Variants in CHAF1A observed in about 807,000 individuals in gnomAD.
CHAF1A encodes chromatin assembly factor 1 subunit A, also known as CAF-1 subunit A.
A neutral mutation model predicts 93.2 loss-of-function variants in CHAF1A; 5 were observed. That is an observed-to-expected ratio of 0.05 (90% CI 0.03 to 0.11). The LOEUF (loss-of-function observed/expected upper bound fraction) is 0.11, where lower values mean the gene tolerates loss of function less well. Ranked by LOEUF, CHAF1A falls within the 10% of genes least tolerant of loss-of-function variation. The probability of loss-of-function intolerance (pLI) is 1.00; values close to 1 mark genes in which losing one functional copy is unlikely to be tolerated. For synonymous variants in CHAF1A, 504 were observed against 510.3 expected (o/e 0.99, Z 0.17); for missense variants, 1,102 against 1,259.9 (o/e 0.87, Z 1.90).
chr19:4,424,781 C>T (rs1016010501), intron 7 of CHAF1A, among the ~76,000 whole-genome samples: 21 of 152,272 alleles, frequency 1.4e-4, no homozygotes, highest in South Asian at 4.1e-4. Context: ...ATTACAGGCA[C>T]ATGCTACCAC....
intron 1 of CHAF1A, among the ~76,000 whole-genome samples, chr19:4,404,275 T>C (rs919615293): frequency 2.6e-5 from 4 of 152,270 alleles, no homozygotes; most frequent in African/African-American, 9.6e-5. Context: ...GTTAATCGTG[T>C]GTATCTTTGG....
intron 12 of CHAF1A, 139 bp from the exon 13 acceptor site, chr19:4,432,931 C>T (rs1337249558): frequency 4.5e-6 from 3 of 670,442 alleles, no homozygotes; most frequent in Admixed American, 2.9e-5. Flanking sequence ...TACACCCGCC[C>T]TCATGAGGCC....
At chr19:4,420,794 T>G (rs1303243097) in intron 4 of CHAF1A, among the ~76,000 whole-genome samples, 1 of 152,146 alleles carries the variant, frequency 6.6e-6, no homozygotes, top group Non-Finnish European at 1.5e-5. Flanking sequence ...ATTCCTGGGC[T>G]GGTTGCAATG....
chr19:4,434,986 C>G (rs1431011869), intron 13 of CHAF1A, among the ~76,000 whole-genome samples: 1 of 152,096 alleles, frequency 6.6e-6, no homozygotes, highest in African/African-American at 2.4e-5. Flanking sequence ...GCCCCTGGCA[C>G]CCACCCCTGG....
At chr19:4,420,637 C>A (rs560089435) in intron 4 of CHAF1A, among the ~76,000 whole-genome samples, 1 of 152,272 alleles carries the variant, frequency 6.6e-6, no homozygotes, top group Admixed American at 6.5e-5. Context: ...TGAAGTGTTA[C>A]TTCCTTAAAG....
chr19:4,446,035 G>C (rs376306553), downstream of CHAF1A: 1 of 1,602,196 alleles, frequency 6.2e-7, no homozygotes, highest in African/African-American at 1.3e-5. Flanking sequence ...GTGCTCCTGC[G>C]GGCCGACACT....
At chr19:4,415,944 C>T (rs562348931) in intron 3 of CHAF1A, among the ~76,000 whole-genome samples, 4 of 152,122 alleles carry the variant, frequency 2.6e-5, no homozygotes, top group South Asian at 4.2e-4. Flanking sequence ...GAGGCCGAGG[C>T]GGGCGGATCA....
At position 4,425,998 on chromosome 19, in the gene CHAF1A, G is replaced by A. The variant is rs75014529; in HGVS notation, c.1377+2124G>A. On this transcript the variant is annotated intron_variant, in intron 7 of 14. Coordinates refer to ENST00000301280, the MANE Select transcript of CHAF1A (RefSeq NM_005483.3). ...TGCAGTTGAGCATCTTTTTCTGTTC[G>A]TTTGCCATTTTAGTTCTTCTATGAC... Among the ~76,000 whole-genome samples the A allele has an allele frequency of 1.5e-3, 222 of 151,602 alleles. 4 individuals are homozygous for A. The East Asian group carries it at 0.016, about 11-fold the overall frequency.
At position 4,433,172 on chromosome 19, in the gene CHAF1A, ACACCGGCAGCCCGCGGAGCCCCTCCAC is replaced by A. The variant is rs529604161; in HGVS notation, c.2311_2337del (p.Gly771_Thr779del). 6.8e-5 allele frequency: 110 copies of A among 1,613,704 alleles called. No homozygotes were observed. The African/African-American group carries it at 1.3e-3, about 19-fold the overall frequency. Reference sequence around the variant, plus strand: ...TGCCGCCGGGGACTGCTCAGCAACCACACCGGCAGCCCGCGGAGCCCCTCCACCACCTACCTGCACACCCCCACCCCC... The same window carrying A: ...TGCCGCCGGGGACTGCTCAGCAACCACACCTACCTGCACACCCCCACCCCC... On this transcript the variant is annotated inframe_deletion, in exon 13 of 15. Coordinates refer to ENST00000301280, the MANE Select transcript of CHAF1A (RefSeq NM_005483.3). This position sits in a 1 kb window ranked among gnomAD's most constrained non-coding sequence, Gnocchi z 5.6.
chr19:4,412,919 G>A (rs1973832473), intron 3 of CHAF1A, among the ~76,000 whole-genome samples: 1 of 152,156 alleles, frequency 6.6e-6, no homozygotes, highest in Non-Finnish European at 1.5e-5. Flanking sequence ...GCGATTATCG[G>A]GAGGCCTCCT....
At chr19:4,443,893 C>T (rs1356248029), downstream of CHAF1A, among the ~76,000 whole-genome samples, 2 of 152,158 alleles carry the variant, frequency 1.3e-5, no homozygotes, top group African/African-American at 2.4e-5. Flanking sequence ...GGGTCACGCT[C>T]GCCAGTCCTG....
downstream of CHAF1A, chr19:4,446,011 G>A (rs1400076330): frequency 1.9e-6 from 3 of 1,571,544 alleles, no homozygotes; most frequent in East Asian, 6.8e-5. Flanking sequence ...ACCTGCAGAG[G>A]CATCGGGTCA....
chr19:4,444,334 G>A (rs1486441417), downstream of CHAF1A, among the ~76,000 whole-genome samples: 1 of 152,098 alleles, frequency 6.6e-6, no homozygotes, highest in African/African-American at 2.4e-5. Context: ...CCACACTGCA[G>A]GGCAGAGTCC....
chr19:4,429,614 A>G lies in CHAF1A; in HGVS notation c.1773+8A>G. The G allele has an allele frequency of 1.2e-6, 2 of 1,614,094 alleles. No individual in the cohort carries two copies. The highest frequency in any genetic ancestry group is 1.7e-6 in the Non-Finnish European group (2 of 1,180,000). ...CCCTGGGCCCAGGACACGGTGAGCT[A>G]GCCCCAGAGTGCCTCCGTCCCCGTA... On this transcript the variant is annotated splice_region_variant and intron_variant, in intron 9 of 14. Coordinates refer to ENST00000301280, the MANE Select transcript of CHAF1A (RefSeq NM_005483.3).
At chr19:4,423,721 C>G in intron 6 of CHAF1A, 85 bp from the exon 7 acceptor site, 1 of 1,329,148 alleles carries the variant, frequency 7.5e-7, no homozygotes, top group East Asian at 2.3e-5. Context: ...GCTTGACGTT[C>G]GGTTCTGGGG....
downstream of CHAF1A, chr19:4,447,096 G>A: frequency 1.6e-6 from 1 of 632,478 alleles, no homozygotes; most frequent in South Asian, 1.9e-5. Context: ...TACGGTGGGG[G>A]CTGTGGAGTC....
chr19:4,409,472 T>G lies in CHAF1A; in HGVS notation c.673T>G (p.Trp225Gly). ...GTGCCCCAGAAAGGAGCAGGACAGTTGGAGTGAAGCTGGGGGCATCCTGTT... is the reference window on the plus strand; with the variant it reads ...GTGCCCCAGAAAGGAGCAGGACAGTGGGAGTGAAGCTGGGGGCATCCTGTT... ...RMCPRKEQDS[W>G]SEAGGILFKG... Residue 225 changes from tryptophan to glycine, a missense_variant, in exon 3 of 15, where the codon TGG becomes GGG. Around this residue, in one of 6 missense-constraint regions of CHAF1A, gnomAD observed 379 missense variants for 365.7 expected, o/e 1.04. Transcript: ENST00000301280. 1 of 1,613,938 alleles carries G rather than the reference T, an allele frequency of 6.2e-7. No homozygotes were observed. The highest frequency in any genetic ancestry group is 8.5e-7 in the Non-Finnish European group (1 of 1,179,980).
intron 5 of CHAF1A, among the ~76,000 whole-genome samples, 199 bp from the exon 6 acceptor site, chr19:4,423,136 T>C (rs1391644014): frequency 6.6e-6 from 1 of 152,232 alleles, no homozygotes; most frequent in Non-Finnish European, 1.5e-5. Context: ...ATATATATTC[T>C]AGTCACAGGA....
At chr19:4,440,651 G>A (rs975823868) in intron 13 of CHAF1A, among the ~76,000 whole-genome samples, 4 of 151,962 alleles carry the variant, frequency 2.6e-5, no homozygotes, top group African/African-American at 9.7e-5. Context: ...GCAATTTCAT[G>A]GTTGGGTGGG....
Sources: gnomAD v4.1 joint callset for allele counts (sites outside exome capture counted in the v4.1 genomes callset) on GRCh38, gnomAD v4.1.1 for gene constraint, gnomAD v4.1.1 regional missense constraint, Gnocchi (gnomAD v3.1) non-coding constraint, MANE v1.5 for transcripts, NCBI Gene and HGNC (gene_info 2026-07-23, HGNC 2026-07-21) for gene names.